Variants in PDE8A observed in about 807,000 individuals in gnomAD.
The protein encoded by PDE8A is high affinity cAMP-specific and IBMX-insensitive 3',5'-cyclic phosphodiesterase 8A.
Under a neutral mutation model 105.0 loss-of-function variants are expected in PDE8A, and 59 were observed. That is an observed-to-expected ratio of 0.56 (90% CI 0.46 to 0.70). PDE8A has a LOEUF of 0.70. Ranked by LOEUF, PDE8A falls within the 30% of genes least tolerant of loss-of-function variation. The pLI, the probability that PDE8A is intolerant of heterozygous loss-of-function variation, is 0.00. For missense variants in PDE8A, 1,014 were observed against 1,045.9 expected, an observed-to-expected ratio of 0.97 and a Z score of 0.42; for synonymous variants, 355 against 371.9, an observed-to-expected ratio of 0.95 and a Z score of 0.52.
At chr15:85,065,139 G>A (rs779626405) in intron 2 of PDE8A, among the ~76,000 whole-genome samples, 26 of 152,036 alleles carry the variant, frequency 1.7e-4, no homozygotes, top group Non-Finnish European at 3.4e-4. Context: ...TTTCATTCAC[G>A]TTTCTGTAGA....
At chr15:85,061,532 G>T (rs560518432) in intron 1 of PDE8A, among the ~76,000 whole-genome samples, 1 of 152,088 alleles carries the variant, frequency 6.6e-6, no homozygotes, top group Non-Finnish European at 1.5e-5. Context: ...GAGCCACCAC[G>T]CCCAGTTCTT....
chr15:85,033,770 C>G (rs1009622919), intron 1 of PDE8A, among the ~76,000 whole-genome samples: 3 of 152,136 alleles, frequency 2.0e-5, no homozygotes, highest in Admixed American at 2.0e-4. Context: ...GAGGCTGAGG[C>G]AGGAGAATCG....
intron 19 of PDE8A, among the ~76,000 whole-genome samples, chr15:85,125,109 G>A (rs889449545): frequency 1.3e-5 from 2 of 152,194 alleles, no homozygotes; most frequent in African/African-American, 4.8e-5. Flanking sequence ...GAAACCTGGA[G>A]TGAGGAGAGC....
At chr15:85,002,253 C>T (rs986531217) in intron 1 of PDE8A, among the ~76,000 whole-genome samples, 3 of 152,036 alleles carry the variant, frequency 2.0e-5, no homozygotes, top group African/African-American at 4.8e-5. Context: ...GACTTGGCTA[C>T]GAATTGGAAG....
chr15:85,057,780 A>G (rs2081085434), intron 1 of PDE8A, among the ~76,000 whole-genome samples: 1 of 152,170 alleles, frequency 6.6e-6, no homozygotes, highest in Non-Finnish European at 1.5e-5. Flanking sequence ...CCTTTTCTGC[A>G]TTATTTGAGG....
At chr15:85,095,135 G>C (rs1215269668) in intron 8 of PDE8A, among the ~76,000 whole-genome samples, 1 of 152,132 alleles carries the variant, frequency 6.6e-6, no homozygotes, top group Non-Finnish European at 1.5e-5. Flanking sequence ...GTAGCAGACA[G>C]AAGGGAGGTA....
At chr15:85,063,095 C>T (rs1346129506) in intron 1 of PDE8A, 1 of 152,194 alleles carries the variant, frequency 6.6e-6, no homozygotes, top group Non-Finnish European at 1.5e-5. Flanking sequence ...TAGGGACCCT[C>T]ATTCTTTTTA....
At position 85,098,045 on chromosome 15, in the gene PDE8A, A is replaced by G. The variant is rs769426912; in HGVS notation, c.941+9A>G. The G allele has an allele frequency of 6.8e-7, 1 of 1,464,560 alleles. No homozygotes were observed. The highest frequency in any genetic ancestry group is 1.1e-5 in the South Asian group (1 of 87,722). The allele number at this position is 1,464,560 out of a possible 1,614,324, so 90.7% of individuals were successfully genotyped here. ...GTCATTGGACAGGGAGGGTAAGTGG[A>G]AAAAACAAGTACATCAATCAACATA... On this transcript the variant is annotated intron_variant, in intron 9 of 21. Coordinates refer to ENST00000394553, the MANE Select transcript of PDE8A (RefSeq NM_002605.3).
intron 1 of PDE8A, among the ~76,000 whole-genome samples, chr15:85,019,370 T>C (rs1464023727): frequency 6.6e-6 from 1 of 152,130 alleles, no homozygotes; most frequent in Non-Finnish European, 1.5e-5. Flanking sequence ...GTATCAACAT[T>C]TAAAAAATTT....
intron 1 of PDE8A, among the ~76,000 whole-genome samples, chr15:84,995,989 G>T (rs1158550986): frequency 6.6e-6 from 1 of 151,934 alleles, no homozygotes; most frequent in East Asian, 1.9e-4. Flanking sequence ...GTATGTTTTG[G>T]ACATTTGAAT....
chr15:85,039,125 A>G (rs1452769051), intron 1 of PDE8A, among the ~76,000 whole-genome samples: 2 of 8,018 alleles, frequency 2.5e-4, no homozygotes, highest in Non-Finnish European at 5.9e-4. Flanking sequence ...CCATCTCAAG[A>G]AAAAAAAAAA....
chr15:85,089,447 AT>A (rs1313317545), intron 7 of PDE8A, 31 bp downstream of exon 7: 1 of 1,310,954 alleles, frequency 7.6e-7, no homozygotes. Context: ...GTCTTTCTGG[AT>A]TTCTTGTTTT....
chr15:85,085,675 CA>C lies in PDE8A; in HGVS notation c.635+2045del, dbSNP rs34469124. ...GGGCAACAAGAGCAAGACTCTGTCT[CA>C]AAAAAAAAAAAAACAGACTTGGATA... On this transcript the variant is annotated intron_variant, in intron 6 of 21. Transcript: ENST00000394553. 1.4e-3 allele frequency among the ~76,000 whole-genome samples: 165 copies of C among 115,320 alleles called. 2 individuals are homozygous for C. The highest frequency in any genetic ancestry group is 2.8e-3 in the African/African-American group (84 of 29,568). The allele number at this position is 115,320 out of a possible 152,430, so 75.7% of individuals were successfully genotyped here. A position where few individuals can be genotyped will look rare whatever the true frequency, so the allele number is the denominator to read the frequency against.
chr15:85,006,257 G>T (rs2080145376), intron 1 of PDE8A, among the ~76,000 whole-genome samples: 1 of 151,632 alleles, frequency 6.6e-6, no homozygotes, highest in African/African-American at 2.4e-5. Context: ...AAAACTTAAA[G>T]TATTATTATT....
At chr15:85,111,915 T>C (rs1003943218) in intron 12 of PDE8A, among the ~76,000 whole-genome samples, 10 of 152,246 alleles carry the variant, frequency 6.6e-5, no homozygotes, top group African/African-American at 2.4e-4. Context: ...GATTTATTCT[T>C]AGGTATTGAT....
At chr15:84,993,101 C>T (rs2142156824) in intron 1 of PDE8A, among the ~76,000 whole-genome samples, 1 of 152,192 alleles carries the variant, frequency 6.6e-6, no homozygotes, top group East Asian at 1.9e-4. Context: ...TTTACTTTTC[C>T]TGATTGTAAA....
rs572257086 is a variant in PDE8A, at chr15:84,998,929, A to T, written c.186+16581A>T. ...ATGAGCAAACATATACTCGTTTTCA[A>T]TATTGCTAAAAATCAGTTCTTCCAT... On this transcript the variant is annotated intron_variant, in intron 1 of 21. Coordinates refer to ENST00000394553, the MANE Select transcript of PDE8A (RefSeq NM_002605.3). Among the ~76,000 whole-genome samples the T allele has an allele frequency of 2.0e-5, 3 of 152,300 alleles. No homozygotes were observed. In the South Asian group the frequency reaches 6.2e-4, roughly 32 times the overall value.
At chr15:85,127,907 C>T (rs147330639) in intron 20 of PDE8A, among the ~76,000 whole-genome samples, 2 of 152,010 alleles carry the variant, frequency 1.3e-5, no homozygotes, top group African/African-American at 4.8e-5. Context: ...TTAAAATAAT[C>T]AAGAAAGTGT....
chr15:85,073,768 TAGTC>T (rs1227174648), intron 3 of PDE8A, among the ~76,000 whole-genome samples: 1 of 152,208 alleles, frequency 6.6e-6, no homozygotes, highest in Non-Finnish European at 1.5e-5. Context: ...GGATGAGTAT[TAGTC>T]AGCAGGTGTG....
Sources: allele counts gnomAD v4.1 joint callset (sites outside exome capture counted in the v4.1 genomes callset), GRCh38; gene constraint gnomAD v4.1.1; transcripts MANE v1.5; gene names NCBI Gene and HGNC (gene_info 2026-07-23, HGNC 2026-07-21).